The following SPATA13 variants were observed in gnomAD, a reference collection of about 807,000 sequenced individuals.
The protein encoded by SPATA13 is spermatogenesis-associated protein 13.
SPATA13 carries 50 observed loss-of-function variants against 104.0 expected under a neutral mutation model. That is an observed-to-expected ratio of 0.48 (90% confidence interval 0.38 to 0.61). The LOEUF (loss-of-function observed/expected upper bound fraction) is 0.61. Among genes scored for constraint, SPATA13 ranks in the 20% least tolerant of loss-of-function variants. SPATA13 has a pLI of 0.00. For synonymous variants in SPATA13, 606 were observed against 667.5 expected (o/e 0.91, Z 1.42); for missense variants, 1,524 against 1,690.6 (o/e 0.90, Z 1.73).
chr13:24,098,650 C>T (rs375663927), intron 3 of SPATA13, among the ~76,000 whole-genome samples: 1 of 150,332 alleles, frequency 6.7e-6, no homozygotes, highest in Non-Finnish European at 1.5e-5. Context: ...AAGAAAGGGC[C>T]GGATGTGGTG....
chr13:23,992,154 T>A (rs139845544), intron 2 of SPATA13, among the ~76,000 whole-genome samples: 5 of 152,154 alleles, frequency 3.3e-5, no homozygotes, highest in African/African-American at 9.6e-5. Flanking sequence ...CAAGTCTGGG[T>A]TCTTGGTAGA....
chr13:24,096,615 A>T (rs1442278259), intron 3 of SPATA13, among the ~76,000 whole-genome samples: 3 of 152,012 alleles, frequency 2.0e-5, no homozygotes, highest in Non-Finnish European at 2.9e-5. Context: ...AACAAGGGGG[A>T]CCTAATTTGG....
At chr13:24,271,582 G>A (rs1241983983) in intron 4 of SPATA13, among the ~76,000 whole-genome samples, 1 of 152,138 alleles carries the variant, frequency 6.6e-6, no homozygotes, top group African/African-American at 2.4e-5. Context: ...AAGAAACTTT[G>A]TACTCTCACA....
At chr13:24,265,407 A>C (rs1257316722) in intron 4 of SPATA13, among the ~76,000 whole-genome samples, 7 of 152,218 alleles carry the variant, frequency 4.6e-5, no homozygotes, top group African/African-American at 1.7e-4. Flanking sequence ...TTTAGAATGA[A>C]GAGGTCACTC....
chr13:24,264,833 A>G (rs1016991243), intron 4 of SPATA13, among the ~76,000 whole-genome samples: 8 of 152,204 alleles, frequency 5.3e-5, no homozygotes, highest in Admixed American at 3.3e-4. Context: ...TGAAGCTGGC[A>G]CCTTTTAAAG....
chr13:24,127,154 G>A (rs968828402), intron 3 of SPATA13, among the ~76,000 whole-genome samples: 3 of 152,124 alleles, frequency 2.0e-5, no homozygotes, highest in Non-Finnish European at 2.9e-5. Context: ...GATGACTAGA[G>A]GACTGTTTAA....
chr13:24,027,279 C>T (rs539924642), intron 3 of SPATA13, among the ~76,000 whole-genome samples: 17 of 151,940 alleles, frequency 1.1e-4, no homozygotes, highest in African/African-American at 3.6e-4. Flanking sequence ...GGATTACAGG[C>T]GTGCGCCACC....
chr13:24,135,796 AACTGTAAGGAAATGCCAGTGTATTT>A (rs1168001813), intron 3 of SPATA13, among the ~76,000 whole-genome samples: 1 of 151,892 alleles, frequency 6.6e-6, no homozygotes, highest in African/African-American at 2.4e-5. Context: ...GGGTGAGGGG[AACTGTAAGGAAATGCCAGTGTATTT>A]ACTGAAAGTA....
At chr13:24,067,774 G>A (rs894378974) in intron 3 of SPATA13, among the ~76,000 whole-genome samples, 8 of 152,142 alleles carry the variant, frequency 5.3e-5, no homozygotes, top group East Asian at 3.9e-4. Context: ...ACATGATCTC[G>A]GGTCACTGCA....
In SPATA13 at chr13:24,304,166, A is replaced by G. The variant is rs1877414429; in HGVS notation, c.*1393A>G. 1 of 152,240 alleles carries G rather than the reference A, an allele frequency of 6.6e-6. No homozygotes were observed. The highest frequency in any genetic ancestry group is 2.4e-5 in the African/African-American group (1 of 41,460). The allele number at this position is 152,240 out of a possible 1,614,324, so 9.4% of individuals were successfully genotyped here. A position where few individuals can be genotyped will look rare whatever the true frequency, so the allele number is the denominator to read the frequency against. ...AACCATGTCACGTGAGCATGTCATC[A>G]GGCTTCTGAGGACTTGTTCTTTATA... On this transcript the variant is annotated 3_prime_UTR_variant, in exon 13 of 13. Coordinates refer to ENST00000382108, the MANE Select transcript of SPATA13 (RefSeq NM_001166271.3).
intron 4 of SPATA13, among the ~76,000 whole-genome samples, chr13:24,274,142 A>G (rs547722578): frequency 5.4e-4 from 83 of 152,340 alleles, no homozygotes; most frequent in Admixed American, 6.5e-4. Context: ...TGGCTAACGC[A>G]GAGGTTTCCA....
intron 1 of SPATA13, among the ~76,000 whole-genome samples, 171 bp from the exon 2 acceptor site, chr13:24,222,648 G>T (rs143423533): frequency 6.6e-6 from 1 of 152,252 alleles, no homozygotes; most frequent in Non-Finnish European, 1.5e-5. Flanking sequence ...ATGTATATTT[G>T]CATCTTTCCT....
At chr13:24,046,403 C>T (rs917936246) in intron 3 of SPATA13, among the ~76,000 whole-genome samples, 1 of 151,396 alleles carries the variant, frequency 6.6e-6, no homozygotes, top group Non-Finnish European at 1.5e-5. Flanking sequence ...AAATGATCCT[C>T]CTATCTCAGC....
intron 3 of SPATA13, among the ~76,000 whole-genome samples, chr13:24,111,278 C>G (rs1187193407): frequency 6.6e-6 from 1 of 152,008 alleles, no homozygotes; most frequent in Admixed American, 6.6e-5. Context: ...ACTATAATAT[C>G]TTCCATCCTC....
intron 1 of SPATA13, among the ~76,000 whole-genome samples, chr13:24,198,568 G>T (rs1870219938): frequency 6.6e-6 from 1 of 152,176 alleles, no homozygotes; most frequent in African/African-American, 2.4e-5. Flanking sequence ...TACTATAGAG[G>T]TATGATTATT....
chr13:24,062,760 T>C (rs1370531330), intron 3 of SPATA13, among the ~76,000 whole-genome samples: 1 of 152,130 alleles, frequency 6.6e-6, no homozygotes, highest in Non-Finnish European at 1.5e-5. Flanking sequence ...TCTGCATGTG[T>C]CCACATGCAT....
chr13:24,160,910 T>A lies in SPATA13; in HGVS notation c.-134T>A. The A allele has an allele frequency of 1.0e-6, 1 of 985,502 alleles. No homozygotes were observed. The highest frequency in any genetic ancestry group is 1.2e-6 in the Non-Finnish European group (1 of 830,096). The allele number at this position is 985,502 out of a possible 1,614,324, so 61.0% of individuals were successfully genotyped here. ...TGTTGGACACGCTGACTTTGTAGGC[T>A]CCGCCAAGAGGCGCCGCAGGAGGTA... On this transcript the variant is annotated 5_prime_UTR_variant, in exon 1 of 13. Coordinates refer to ENST00000382108, the MANE Select transcript of SPATA13 (RefSeq NM_001166271.3).
chr13:24,064,148 A>G (rs955078178), intron 3 of SPATA13, among the ~76,000 whole-genome samples: 1 of 152,158 alleles, frequency 6.6e-6, no homozygotes, highest in Non-Finnish European at 1.5e-5. Flanking sequence ...GCCACTCCAG[A>G]TTATTTTCCC....
At chr13:24,136,237 C>T (rs748351939) in intron 3 of SPATA13, among the ~76,000 whole-genome samples, 9 of 152,086 alleles carry the variant, frequency 5.9e-5, no homozygotes, top group South Asian at 2.1e-4. Flanking sequence ...TTTGGGAGGC[C>T]GAGGTGAGGT....
Sources: allele counts gnomAD v4.1 joint callset (sites outside exome capture counted in the v4.1 genomes callset), GRCh38; gene constraint gnomAD v4.1.1; transcripts MANE v1.5; gene names NCBI Gene and HGNC (gene_info 2026-07-23, HGNC 2026-07-21).